The following ANKS1B variants were observed in gnomAD, a reference collection of about 807,000 sequenced individuals.
ANKS1B encodes the protein ankyrin repeat and sterile alpha motif domain containing 1B, also known as ankyrin repeat and sterile alpha motif domain-containing protein 1B.
Under a neutral mutation model 148.3 loss-of-function variants are expected in ANKS1B, and 36 were observed. The observed-to-expected ratio is 0.24, with a 90% confidence interval of 0.19 to 0.32. ANKS1B has a LOEUF of 0.32. ANKS1B is among the 10% of genes least tolerant of loss of function. ANKS1B has a pLI of 1.00. For missense variants in ANKS1B, 1,157 were observed against 1,542.6 expected (o/e 0.75, Z 4.19); for synonymous variants, 542 against 560.8 (o/e 0.97, Z 0.47).
At chr12:98,749,173 G>T (rs1165600118) in intron 26 of ANKS1B, among the ~76,000 whole-genome samples, 1 of 151,730 alleles carries the variant, frequency 6.6e-6, no homozygotes, top group African/African-American at 2.4e-5. Context: ...ATCTCTGCTC[G>T]CTGCAAGCTC....
intron 16 of ANKS1B, among the ~76,000 whole-genome samples, chr12:99,065,638 C>CCCATCCAT (rs34386631): frequency 6.2e-3 from 261 of 41,934 alleles, no homozygotes; most frequent in Middle Eastern, 0.012. Context: ...ATCCATCCAT[C>CCCATCCAT]CCATCCATCC....
At chr12:98,894,958 C>T (rs1271172455) in intron 17 of ANKS1B, 230 of 839,678 alleles carry the variant, frequency 2.7e-4, no homozygotes, top group Non-Finnish European at 2.8e-4. Context: ...CGCACCCGCC[C>T]GGCTCCACGC....
intron 17 of ANKS1B, among the ~76,000 whole-genome samples, chr12:98,862,860 G>A (rs1001569934): frequency 6.6e-6 from 1 of 152,210 alleles, no homozygotes; most frequent in African/African-American, 2.4e-5. Flanking sequence ...GAGGTGCAAA[G>A]TAAGCATTTT....
intron 17 of ANKS1B, among the ~76,000 whole-genome samples, chr12:98,942,447 C>G (rs1406035304): frequency 6.6e-6 from 1 of 152,114 alleles, no homozygotes; most frequent in African/African-American, 2.4e-5. Context: ...AGCCACTTGA[C>G]AAAGGCAGTG....
intron 10 of ANKS1B, among the ~76,000 whole-genome samples, chr12:99,454,106 C>G (rs1389863442): frequency 6.6e-6 from 1 of 152,158 alleles, no homozygotes; most frequent in East Asian, 1.9e-4. Context: ...ATAAATAGTT[C>G]AGCTTGGCTG....
At chr12:98,858,611 A>T (rs571974844) in intron 17 of ANKS1B, among the ~76,000 whole-genome samples, 1 of 152,296 alleles carries the variant, frequency 6.6e-6, no homozygotes, top group African/African-American at 2.4e-5. Context: ...AAGTGTTGGG[A>T]CTACAGGAGT....
At chr12:98,883,887 G>A (rs2099724971) in intron 17 of ANKS1B, among the ~76,000 whole-genome samples, 1 of 152,106 alleles carries the variant, frequency 6.6e-6, no homozygotes, top group Non-Finnish European at 1.5e-5. Context: ...TCTAGAATCT[G>A]TTTTTTCGTT....
intron 17 of ANKS1B, among the ~76,000 whole-genome samples, chr12:99,017,985 GA>G (rs2099943554): frequency 6.6e-6 from 1 of 151,998 alleles, no homozygotes; most frequent in East Asian, 1.9e-4. Context: ...ACCCTCTTTG[GA>G]AAAAACAGCC....
chr12:99,436,544 T>A (rs2095464148), intron 11 of ANKS1B, among the ~76,000 whole-genome samples: 1 of 152,030 alleles, frequency 6.6e-6, no homozygotes, highest in African/African-American at 2.4e-5. Flanking sequence ...ACATACCCAC[T>A]CTCATTTCTA....
At chr12:99,272,718 G>A (rs7957699) in intron 12 of ANKS1B, among the ~76,000 whole-genome samples, 48,834 of 152,004 alleles carry the variant, frequency 0.32, 9,410 homozygotes, top group African/African-American at 0.54. Context: ...ATACATTTTG[G>A]GAGTTTGGAT....
At chr12:98,777,097 G>T (rs2098686538) in intron 24 of ANKS1B, among the ~76,000 whole-genome samples, 2 of 152,170 alleles carry the variant, frequency 1.3e-5, no homozygotes, top group African/African-American at 4.8e-5. Flanking sequence ...GGAGGCTGAG[G>T]TTGGGGGATC....
intron 9 of ANKS1B, among the ~76,000 whole-genome samples, chr12:99,516,420 C>A (rs924785999): frequency 6.6e-6 from 1 of 152,044 alleles, no homozygotes; most frequent in Non-Finnish European, 1.5e-5. Context: ...TAAAAAGGAA[C>A]AAGATCATGT....
intron 12 of ANKS1B, among the ~76,000 whole-genome samples, chr12:99,393,924 G>A (rs1279830996): frequency 6.6e-6 from 1 of 151,916 alleles, no homozygotes; most frequent in Non-Finnish European, 1.5e-5. Context: ...TACCAATTTA[G>A]CAAAACCACA....
intron 17 of ANKS1B, among the ~76,000 whole-genome samples, chr12:98,839,991 C>G (rs1487173722): frequency 6.6e-6 from 1 of 152,130 alleles, no homozygotes; most frequent in Non-Finnish European, 1.5e-5. Flanking sequence ...TATAGTGTCA[C>G]TGCATCTCAG....
At chr12:98,898,987 T>G (rs904143096) in intron 17 of ANKS1B, among the ~76,000 whole-genome samples, 1 of 152,200 alleles carries the variant, frequency 6.6e-6, no homozygotes. Flanking sequence ...TCCCTTTGTA[T>G]TAAAAAATTA....
intron 17 of ANKS1B, among the ~76,000 whole-genome samples, chr12:98,943,577 T>C (rs935864101): frequency 6.6e-6 from 1 of 152,164 alleles, no homozygotes; most frequent in Non-Finnish European, 1.5e-5. Context: ...CCTTCCTCCA[T>C]CTTCAAGACC....
At chr12:99,811,922 C>T (rs1840753044) in intron 3 of ANKS1B, among the ~76,000 whole-genome samples, 1 of 151,820 alleles carries the variant, frequency 6.6e-6, no homozygotes, top group Admixed American at 6.6e-5. Context: ...AATATTTCAG[C>T]TACTTCCTTT....
intron 8 of ANKS1B, among the ~76,000 whole-genome samples, chr12:99,701,556 TCA>T (rs2054823694): frequency 6.6e-6 from 1 of 152,106 alleles, no homozygotes; most frequent in Non-Finnish European, 1.5e-5. Context: ...TTGTATTCCC[TCA>T]GTTATTCACA....
At chr12:98,941,146 G>A (rs896690811) in intron 17 of ANKS1B, among the ~76,000 whole-genome samples, 3 of 151,988 alleles carry the variant, frequency 2.0e-5, no homozygotes, top group African/African-American at 7.3e-5. Context: ...TTTTATATGT[G>A]TTTCTGTTTA....
Sources: gnomAD v4.1 joint callset for allele counts (sites outside exome capture counted in the v4.1 genomes callset) on GRCh38, gnomAD v4.1.1 for gene constraint, MANE v1.5 for transcripts, NCBI Gene and HGNC (gene_info 2026-07-23, HGNC 2026-07-21) for gene names.